The following ITPR1 variants were observed in gnomAD, a reference collection of about 807,000 sequenced individuals.
ITPR1 encodes inositol 1,4,5-trisphosphate-gated calcium channel ITPR1.
In ITPR1, 96 loss-of-function variants were observed where a neutral mutation model predicts 318.4. The observed-to-expected ratio is 0.30, with a 90% CI of 0.26 to 0.36. The LOEUF (loss-of-function observed/expected upper bound fraction) is 0.36, where lower values mean the gene tolerates loss of function less well. Ranked by LOEUF, ITPR1 falls within the 10% of genes least tolerant of loss-of-function variation. ITPR1 has a pLI of 1.00. For synonymous variants in ITPR1, 1,312 were observed against 1,289.9 expected, an observed-to-expected ratio of 1.02 and a Z score of -0.37; for missense variants, 2,440 against 3,460.2, an observed-to-expected ratio of 0.71 and a Z score of 7.40.
intron 44 of ITPR1, chr3:4,751,358 T>A (rs1009671679): frequency 1.3e-5 from 2 of 152,036 alleles, no homozygotes; most frequent in African/African-American, 4.8e-5. Flanking sequence ...CTGAGAACCC[T>A]ATGGCTGCCC....
At chr3:4,836,690 C>CG in intron 60 of ITPR1, 84 bp from the exon 61 acceptor site, 1 of 1,225,670 alleles carries the variant, frequency 8.2e-7, no homozygotes. Context: ...AAACATGGCA[C>CG]GGTAAGCTGG....
chr3:4,653,921 G>A (rs911276157), intron 12 of ITPR1, 35 bp downstream of exon 12: 15 of 1,484,024 alleles, frequency 1.0e-5, no homozygotes, highest in South Asian at 8.2e-5. Flanking sequence ...GTCTTCATCT[G>A]GTAGGGTGCG....
chr3:4,613,653 A>G (rs1278922059), intron 4 of ITPR1, among the ~76,000 whole-genome samples: 1 of 152,124 alleles, frequency 6.6e-6, no homozygotes, highest in African/African-American at 2.4e-5. Flanking sequence ...CCCTGACAAA[A>G]CAAAGCATGT....
At chr3:4,727,024 G>C in intron 41 of ITPR1, 102 bp from the exon 42 acceptor site, 1 of 947,328 alleles carries the variant, frequency 1.1e-6, no homozygotes, top group Non-Finnish European at 1.7e-6. Flanking sequence ...TGTAACTCTT[G>C]TCTATATATG....
At chr3:4,743,746 G>A (rs2043870585) in intron 44 of ITPR1, among the ~76,000 whole-genome samples, 1 of 152,192 alleles carries the variant, frequency 6.6e-6, no homozygotes, top group African/African-American at 2.4e-5. Flanking sequence ...TGAGGGGGAA[G>A]GGGGAGGGGA....
intron 60 of ITPR1, among the ~76,000 whole-genome samples, chr3:4,828,460 T>A (rs1351711219): frequency 6.6e-6 from 1 of 152,160 alleles, no homozygotes; most frequent in Admixed American, 6.5e-5. Flanking sequence ...TCAAATGGGC[T>A]CGCCCTGCCC....
chr3:4,633,497 A>G (rs995781445), intron 5 of ITPR1, among the ~76,000 whole-genome samples: 1 of 152,182 alleles, frequency 6.6e-6, no homozygotes, highest in Non-Finnish European at 1.5e-5. Flanking sequence ...AATTAATGCC[A>G]TTTAAGGAAT....
chr3:4,630,983 A>G (rs113047754), intron 5 of ITPR1, among the ~76,000 whole-genome samples: 3,392 of 152,326 alleles, frequency 0.022, 144 homozygotes, highest in African/African-American at 0.077. Flanking sequence ...ACTAACATTA[A>G]AGAGTTCTGA....
chr3:4,528,716 T>C (rs964952022), intron 4 of ITPR1, among the ~76,000 whole-genome samples: 1 of 152,222 alleles, frequency 6.6e-6, no homozygotes, highest in African/African-American at 2.4e-5. Flanking sequence ...TCAGTCTATT[T>C]AAGGTGCTTG....
At chr3:4,813,040 T>C in intron 56 of ITPR1, 102 bp from the exon 57 acceptor site, 9 of 831,690 alleles carry the variant, frequency 1.1e-5, no homozygotes, top group Non-Finnish European at 1.9e-5. Context: ...TAGGGTGTTA[T>C]TTATGTAAAG....
chr3:4,685,316 A>G (rs1489206220), intron 30 of ITPR1, 110 bp downstream of exon 30: 1 of 1,102,948 alleles, frequency 9.1e-7, no homozygotes, highest in Non-Finnish European at 1.2e-6. Flanking sequence ...ATCCAGTGTG[A>G]CTATTGTGAC....
At chr3:4,502,386 A>G (rs1223669846) in intron 2 of ITPR1, among the ~76,000 whole-genome samples, 2 of 151,532 alleles carry the variant, frequency 1.3e-5, no homozygotes, top group Non-Finnish European at 2.9e-5. Context: ...TAATTTGTAT[A>G]TATGTTTTTT....
rs776360563 is a variant in ITPR1, at chr3:4,768,783, G to A, written c.5979+19G>A. 19 of 1,595,744 alleles carry A rather than the reference G, an allele frequency of 1.2e-5. No homozygotes were observed. Among genetic ancestry groups the A allele is most frequent in the Middle Eastern group, 1.7e-4 (1 of 6,008 alleles). On this transcript the variant is annotated intron_variant, in intron 46 of 61. Coordinates refer to ENST00000649015, the MANE Select transcript of ITPR1 (RefSeq NM_001378452.1). ...CCTGCAGGTGAGGGCCTGGGGGTGG[G>A]GGCGTGGAGGGAGCTCGGGAAAGGC...
intron 35 of ITPR1, among the ~76,000 whole-genome samples, chr3:4,700,968 G>A (rs1055565691): frequency 2.0e-5 from 3 of 152,118 alleles, no homozygotes; most frequent in African/African-American, 7.2e-5. Flanking sequence ...CCCACCCCAC[G>A]ATTCAGTTAC....
intron 30 of ITPR1, among the ~76,000 whole-genome samples, chr3:4,687,489 G>A (rs543510000): frequency 3.9e-5 from 6 of 152,230 alleles, no homozygotes; most frequent in African/African-American, 9.6e-5. Context: ...TAAGAGTAGC[G>A]CAGTCAGGTT....
At chr3:4,522,750 A>C (rs541412681) in intron 4 of ITPR1, among the ~76,000 whole-genome samples, 1 of 152,372 alleles carries the variant, frequency 6.6e-6, no homozygotes, top group East Asian at 1.9e-4. Flanking sequence ...AAAAGGGACA[A>C]GATCAATTGA....
intron 4 of ITPR1, among the ~76,000 whole-genome samples, chr3:4,620,695 T>A (rs1454071817): frequency 6.6e-6 from 1 of 151,248 alleles, no homozygotes; most frequent in Non-Finnish European, 1.5e-5. Flanking sequence ...TTTTTTTTTT[T>A]TTTTTGGTGG....
chr3:4,503,537 G>T (rs980321406), intron 2 of ITPR1, among the ~76,000 whole-genome samples: 4 of 152,170 alleles, frequency 2.6e-5, no homozygotes, highest in Non-Finnish European at 5.9e-5. Flanking sequence ...TCTCAATGGG[G>T]ACAGGGAGAG....
chr3:4,684,229 A>T, intron 28 of ITPR1, 52 bp from the exon 29 acceptor site: 2 of 1,209,182 alleles, frequency 1.7e-6, no homozygotes. Flanking sequence ...TAAAAAACTG[A>T]CAGTAGCCCA....
Sources: gnomAD v4.1 joint callset for allele counts (sites outside exome capture counted in the v4.1 genomes callset) on GRCh38, gnomAD v4.1.1 for gene constraint, MANE v1.5 for transcripts, NCBI Gene and HGNC (gene_info 2026-07-23, HGNC 2026-07-21) for gene names.